The following GGT6 variants were observed in gnomAD, a reference collection of about 807,000 sequenced individuals.
The protein encoded by GGT6 is gamma-glutamyltransferase 6.
In GGT6, 13 loss-of-function variants were observed where a neutral mutation model predicts 17.0. That is an observed-to-expected ratio of 0.77 (90% CI 0.50 to 1.22). The LOEUF (loss-of-function observed/expected upper bound fraction) is 1.22. GGT6 is among the 50% of genes most tolerant of loss of function. The probability of loss-of-function intolerance (pLI) is 0.00; values close to 1 mark genes in which losing one functional copy is unlikely to be tolerated. For synonymous variants in GGT6, 305 were observed against 297.9 expected (o/e 1.02, Z -0.25); for missense variants, 628 against 643.7 (o/e 0.98, Z 0.26).
Position 4,557,278 on chromosome 17 carries a change from G to A in GGT6, c.*737C>T, listed in dbSNP as rs2144527656. The A allele has an allele frequency of 6.6e-6, 1 of 151,958 alleles. No individual in the cohort carries two copies. 9.4% of individuals were successfully genotyped at this position (151,958 alleles called of 1,614,324 possible). On this transcript the variant is annotated 3_prime_UTR_variant, in exon 4 of 4. Transcript: ENST00000381550. ...AGGTAACTTAAAAGGCCAGAGGTTG[G>A]GGCCTGAGCCAGCAGTGAGCACATA...
Position 4,558,405 on chromosome 17 carries a change from A to G in GGT6, c.1110T>C (p.Leu370=), listed in dbSNP as rs766135712. 3.7e-6 allele frequency: 6 copies of G among 1,605,406 alleles called. No individual in the cohort carries two copies. In the South Asian group the frequency reaches 4.4e-5, roughly 12 times the overall value. The change falls in exon 4 of 4, where the codon CTT becomes CTC. Residue 370 remains leucine (L), a synonymous_variant. Coordinates refer to ENST00000381550, the MANE Select transcript of GGT6 (RefSeq NM_001288702.2). ...AGGAGCAGTTGAGCGAGGAGGTGAG[A>G]AGGAGCACAGAGCCGCTGCTGTCCA... The part of the protein sequence containing the change: ...AAVDSSGSVL[L]LTSSLNCSFG...
At chr17:4,560,277 T>G in intron 1 of GGT6, 105 bp downstream of exon 1, 1 of 1,337,700 alleles carries the variant, frequency 7.5e-7, no homozygotes, top group Non-Finnish European at 1.0e-6. Context: ...TGCCTGGAGC[T>G]AAACCCAGCG....
rs768246488 is a variant in GGT6 at position 4,558,719 on chromosome 17, TGC to T, written c.794_795del (p.Arg265GlnfsTer77). 6.2e-7 allele frequency: 1 copy of T among 1,604,196 alleles called. No homozygotes were observed. The highest frequency in any genetic ancestry group is 1.3e-5 in the African/African-American group (1 of 74,988). On this transcript the variant is annotated frameshift_variant, in exon 4 of 4. Transcript: ENST00000381550. LOFTEE classifies it low-confidence loss of function (END_TRUNC). ...ATNPQLAAVL[R>X]SAALAPTSDL... ...TCTGAGGTGGGAGCGAGGGCTGCGC[TGC>T]GAAGCACAGCTGCCAGTTGTGGGTT... is the stretch of plus-strand genomic sequence containing the variant.
At position 4,558,417 on chromosome 17, in the gene GGT6, G is replaced by C; in HGVS notation, c.1098C>G (p.Gly366=). Residue 366 remains glycine (G), a synonymous_variant, in exon 4 of 4, where the codon GGC becomes GGG. Coordinates refer to ENST00000381550, the MANE Select transcript of GGT6 (RefSeq NM_001288702.2). ...GCGAGGAGGTGAGAAGGAGCACAGA[G>C]CCGCTGCTGTCCACGGCGGCCAGGG... The part of the protein sequence containing the change: ...SSALAAVDSS[G]SVLLLTSSLN... 6.2e-7 allele frequency: 1 copy of C among 1,605,656 alleles called. No homozygotes were observed. The highest frequency in any genetic ancestry group is 2.2e-5 in the East Asian group (1 of 44,888).
chr17:4,559,477 T>C (rs1382014740), intron 2 of GGT6, 21 bp from the exon 3 acceptor site: 1 of 1,563,518 alleles, frequency 6.4e-7, no homozygotes, highest in Non-Finnish European at 8.7e-7. Context: ...GAAGGCACTG[T>C]CATGCAGCAA....
rs868839479 is a variant in GGT6, at chr17:4,559,373, C to T, written c.427G>A (p.Ala143Thr). ...CCCGTGGCATGAGGATGCACCACTG[C>T]CAGGCACAATGCAGCTCCAACTCCA... ...DAGVGAALCLAVVHPHATGLG... is the reference protein window; with the variant it reads ...DAGVGAALCLTVVHPHATGLG... Residue 143 changes from alanine to threonine, a missense_variant, in exon 3 of 4, where the codon GCA becomes ACA. By Grantham distance (58) the Ala-to-Thr change is moderately conservative (BLOSUM62 0). Coordinates refer to ENST00000381550, the MANE Select transcript of GGT6 (RefSeq NM_001288702.2). 1 of 1,551,674 alleles carries T rather than the reference C, an allele frequency of 6.4e-7. No individual in the cohort carries two copies.
Position 4,558,253 on chromosome 17 carries a change from ACAT to A in GGT6, c.1259_1261del (p.Asp420del), listed in dbSNP as rs757213025. 2.3e-5 allele frequency: 37 copies of A among 1,614,080 alleles called. No homozygotes were observed. The highest frequency in any genetic ancestry group is 3.1e-5 in the Non-Finnish European group (36 of 1,180,052). ...GGTCCCTGAAGCCACAAGCCCCAAC[ACAT>A]CAGCCTCTGTGTCATCCAGGCTGCC... is the stretch of plus-strand genomic sequence containing the variant. On this transcript the variant is annotated inframe_deletion, in exon 4 of 4. Transcript: ENST00000381550.
Position 4,558,410 on chromosome 17 carries a change from GCA to G in GGT6, c.1103_1104del (p.Val368AlafsTer34), listed in dbSNP as rs779642103. ...ALAAVDSSGS[V>X]LLLTSSLNCS... ...CAGTTGAGCGAGGAGGTGAGAAGGA[GCA>G]CAGAGCCGCTGCTGTCCACGGCGGC... On this transcript the variant is annotated frameshift_variant, in exon 4 of 4. Coordinates refer to ENST00000381550, the MANE Select transcript of GGT6 (RefSeq NM_001288702.2). LOFTEE classifies it low-confidence loss of function (END_TRUNC). 5 of 1,605,204 alleles carry G rather than the reference GCA, an allele frequency of 3.1e-6. No individual in the cohort carries two copies. In the Admixed American group the frequency reaches 8.3e-5, roughly 27 times the overall value.
chr17:4,560,051 G>C (rs1043630523), intron 1 of GGT6: 187 of 571,010 alleles, frequency 3.3e-4, no homozygotes, highest in African/African-American at 2.9e-3. Context: ...AGGAGAGAAG[G>C]GGCTGGGGAG....
At position 4,557,740 on chromosome 17, in the gene GGT6, C is replaced by G. The variant is rs1471223380; in HGVS notation, c.*275G>C. 1 of 350,064 alleles carries G rather than the reference C, an allele frequency of 2.9e-6. No homozygotes were observed. Among genetic ancestry groups the G allele is most frequent in the Non-Finnish European group, 5.2e-6 (1 of 192,348 alleles). 21.7% of individuals were successfully genotyped at this position (350,064 alleles called of 1,614,324 possible). The stretch of plus-strand genomic sequence containing the variant: ...TCCTGAGCTCAAGCGAGCTTCCTGC[C>G]TCAGCCTCCCAAGCAGCTGGGACAA... On this transcript the variant is annotated 3_prime_UTR_variant, in exon 4 of 4. Coordinates refer to ENST00000381550, the MANE Select transcript of GGT6 (RefSeq NM_001288702.2).
Position 4,558,942 on chromosome 17 carries a change from G to A in GGT6, c.573C>T (p.Thr191=). ...PGLGLPAALP[T]LHLLHARFGR... is the part of the protein sequence containing the mutation. ...CGAAGCGTGCATGCAGCAGGTGCAG[G>A]GTGGGCAGAGCCGCGGGCAGCCCCA... Residue 191 remains threonine, a synonymous_variant, in exon 4 of 4, where the codon ACC becomes ACT. Transcript: ENST00000381550. 6.5e-7 allele frequency: 1 copy of A among 1,549,704 alleles called. No individual in the cohort carries two copies. Among genetic ancestry groups the A allele is most frequent in the Middle Eastern group, 1.7e-4 (1 of 5,876 alleles).
At chr17:4,556,191 A>G (rs985974479), downstream of GGT6, among the ~76,000 whole-genome samples, 8 of 152,352 alleles carry the variant, frequency 5.3e-5, no homozygotes, top group African/African-American at 1.9e-4. Flanking sequence ...TCCGATTTAC[A>G]TTTTAACAAG....
chr17:4,560,014 A>G, intron 1 of GGT6: 1 of 583,332 alleles, frequency 1.7e-6, no homozygotes, highest in Non-Finnish European at 3.1e-6. Context: ...CTCAGGTGGG[A>G]GGGAGGCCCA....
chr17:4,560,571 G>C lies in GGT6; in HGVS notation c.-50C>G, dbSNP rs748987998. On this transcript the variant is annotated 5_prime_UTR_variant, in exon 1 of 4. Coordinates refer to ENST00000381550, the MANE Select transcript of GGT6 (RefSeq NM_001288702.2). ...CTCCTGCCTGCCAGCCTTTCCGGCT[G>C]TGTCTCAGAGGCCCTGCCCAAGCCT... The C allele has an allele frequency of 6.3e-7, 1 of 1,599,750 alleles. No homozygotes were observed. Among genetic ancestry groups the C allele is most frequent in the Non-Finnish European group, 8.5e-7 (1 of 1,178,026 alleles).
At chr17:4,560,214 T>G (rs576828657) in intron 1 of GGT6, among the ~76,000 whole-genome samples, 168 bp downstream of exon 1, 1 of 152,300 alleles carries the variant, frequency 6.6e-6, no homozygotes. Flanking sequence ...TTTGATTGGG[T>G]CAGGCCAAGT....
chr17:4,560,305 C>T (rs1908548938), intron 1 of GGT6, 77 bp downstream of exon 1: 2 of 1,564,678 alleles, frequency 1.3e-6, no homozygotes, highest in Non-Finnish European at 1.8e-6. Context: ...GCCTGGTCCC[C>T]CTGAGGGGCT....
Position 4,559,333 on chromosome 17 carries a change from GGTC to G in GGT6, c.457+7_457+9del. ...GTTGGGGTTGCAGTCTGGGGTCAGGGGTCACTGACCTAGCCCCGTGGCATGAGG... is the reference window on the plus strand; with the variant it reads ...GTTGGGGTTGCAGTCTGGGGTCAGGGACTGACCTAGCCCCGTGGCATGAGG... On this transcript the variant is annotated splice_region_variant and intron_variant, in intron 3 of 3. Coordinates refer to ENST00000381550, the MANE Select transcript of GGT6 (RefSeq NM_001288702.2). 6.5e-7 allele frequency: 1 copy of G among 1,544,574 alleles called. No homozygotes were observed. The highest frequency in any genetic ancestry group is 1.7e-4 in the Middle Eastern group (1 of 5,988).
downstream of GGT6, chr17:4,556,811 C>G (rs1054308345): frequency 6.6e-6 from 1 of 152,226 alleles, no homozygotes; most frequent in Non-Finnish European, 1.5e-5. Context: ...CTGAAAGATA[C>G]CAACCCAGGC....
intron 1 of GGT6, 107 bp downstream of exon 1, chr17:4,560,275 G>A (rs1908544922): frequency 3.8e-6 from 5 of 1,309,872 alleles, no homozygotes; most frequent in Non-Finnish European, 4.3e-6. Context: ...AGTGCCTGGA[G>A]CTAAACCCAG....
Sources: allele counts gnomAD v4.1 joint callset (sites outside exome capture counted in the v4.1 genomes callset), GRCh38; gene constraint gnomAD v4.1.1; transcripts MANE v1.5; gene names NCBI Gene and HGNC (gene_info 2026-07-23, HGNC 2026-07-21).